CDH12: variants seen among roughly 807,000 people sequenced by gnomAD.
CDH12 encodes the protein cadherin 12.
CDH12 carries 41 observed loss-of-function variants against 74.1 expected under a neutral mutation model. The ratio of observed to expected loss-of-function variants is 0.55; its 90% CI spans 0.43 to 0.72. The LOEUF (loss-of-function observed/expected upper bound fraction) is 0.72, where lower values mean the gene tolerates loss of function less well. Ranked by LOEUF, CDH12 falls within the 30% of genes least tolerant of loss-of-function variation. The pLI is 0.00. For missense variants in CDH12, 945 were observed against 977.2 expected (o/e 0.97, Z 0.44); for synonymous variants, 399 against 355.0 (o/e 1.12, Z -1.39).
intron 3 of CDH12, among the ~76,000 whole-genome samples, chr5:22,352,208 T>C (rs1214037040): frequency 1.3e-5 from 2 of 152,000 alleles, no homozygotes; most frequent in East Asian, 3.9e-4. Context: ...CTCAGAAAGC[T>C]AAATTATTTT....
At chr5:21,891,572 TACACACACACACACAC>T (rs66657734) in intron 6 of CDH12, among the ~76,000 whole-genome samples, 1 of 144,954 alleles carries the variant, frequency 6.9e-6, no homozygotes, top group Non-Finnish European at 1.5e-5. Flanking sequence ...CACACACACA[TACACACACACACACAC>T]ACACACACAC....
At chr5:21,887,804 T>C (rs1193339750) in intron 6 of CDH12, among the ~76,000 whole-genome samples, 1 of 152,104 alleles carries the variant, frequency 6.6e-6, no homozygotes, top group East Asian at 1.9e-4. Flanking sequence ...ATGAACATAG[T>C]CAGGGCCCGG....
At chr5:21,947,241 G>A (rs576549620) in intron 6 of CDH12, among the ~76,000 whole-genome samples, 1,792 of 152,150 alleles carry the variant, frequency 0.012, 34 homozygotes, top group African/African-American at 0.04. Flanking sequence ...CTGGGAGTGG[G>A]GCACTGCTAT....
chr5:21,902,910 A>G (rs1753465194), intron 6 of CDH12, among the ~76,000 whole-genome samples: 1 of 152,182 alleles, frequency 6.6e-6, no homozygotes, highest in Non-Finnish European at 1.5e-5. Flanking sequence ...GATAAGACGA[A>G]GAATTGAGCC....
intron 4 of CDH12, among the ~76,000 whole-genome samples, chr5:22,103,274 C>T (rs1245042122): frequency 6.6e-6 from 1 of 152,120 alleles, no homozygotes; most frequent in East Asian, 1.9e-4. Flanking sequence ...TTCACCCTGG[C>T]TCTGTCTGTC....
intron 1 of CDH12, among the ~76,000 whole-genome samples, chr5:22,781,081 C>T (rs1747363497): frequency 6.6e-6 from 1 of 152,122 alleles, no homozygotes; most frequent in Non-Finnish European, 1.5e-5. Context: ...GATAAGTCAG[C>T]TGATTATTTC....
At chr5:21,980,737 A>T (rs1291501411) in intron 5 of CDH12, among the ~76,000 whole-genome samples, 2 of 152,164 alleles carry the variant, frequency 1.3e-5, no homozygotes, top group Non-Finnish European at 2.9e-5. Context: ...TCATAAATTC[A>T]TTACCAAAAT....
chr5:21,831,120 C>T (rs1413924711), intron 8 of CDH12, among the ~76,000 whole-genome samples: 1 of 151,740 alleles, frequency 6.6e-6, no homozygotes, highest in African/African-American at 2.4e-5. Flanking sequence ...GACTTTAAAA[C>T]AATGTCGTTT....
At position 22,475,000 on chromosome 5, in the gene CDH12, T is replaced by C. The variant is rs142351869; in HGVS notation, c.-428+30270A>G. Among the ~76,000 whole-genome samples the C allele has an allele frequency of 3.3e-3, 497 of 151,632 alleles. 1 individual carries two copies. The highest frequency in any genetic ancestry group is 0.011 in the African/African-American group (473 of 41,326). On this transcript the variant is annotated intron_variant, in intron 2 of 14. Transcript: ENST00000382254. ...GGTTAGATAGATGAGGTCCCATCTC[T>C]ACTACTAAGCAAAATCCTGGAAGCA... is the stretch of plus-strand genomic sequence containing the variant.
At chr5:21,937,683 C>T (rs1755136344) in intron 6 of CDH12, among the ~76,000 whole-genome samples, 1 of 152,118 alleles carries the variant, frequency 6.6e-6, no homozygotes, top group Non-Finnish European at 1.5e-5. Context: ...TTTTTGGGCC[C>T]ATCCATAAAC....
chr5:22,490,394 T>A (rs568263525), intron 2 of CDH12, among the ~76,000 whole-genome samples: 54 of 152,250 alleles, frequency 3.5e-4, no homozygotes, highest in Admixed American at 1.4e-3. Flanking sequence ...TGTTATAGAG[T>A]TCTGCTTTCT....
chr5:21,872,165 G>C (rs1016474677), intron 6 of CDH12, among the ~76,000 whole-genome samples: 5 of 152,146 alleles, frequency 3.3e-5, no homozygotes, highest in African/African-American at 1.2e-4. Flanking sequence ...ACCTTGCTCA[G>C]CGTGGGCCCT....
At position 21,874,285 on chromosome 5, in the gene CDH12, T is replaced by C. The variant is rs943140020; in HGVS notation, c.527-19495A>G. On this transcript the variant is annotated intron_variant, in intron 6 of 14. Transcript: ENST00000382254. ...ATGAAGGAAGGCTCAACATCACTGA[T>C]AATTAGACAAATGCAAATCAAAACT... Among the ~76,000 whole-genome samples the C allele has an allele frequency of 3.3e-5, 5 of 152,172 alleles. No homozygotes were observed. The East Asian group carries it at 9.7e-4, about 29-fold the overall frequency.
At chr5:22,230,620 G>A (rs959148748) in intron 3 of CDH12, among the ~76,000 whole-genome samples, 1 of 151,728 alleles carries the variant, frequency 6.6e-6, no homozygotes, top group Admixed American at 6.6e-5. Context: ...ACAGGTGCAC[G>A]CCACCATGCC....
At chr5:22,552,460 A>G (rs7717757) in intron 1 of CDH12, among the ~76,000 whole-genome samples, 24,374 of 146,666 alleles carry the variant, frequency 0.17, 2,564 homozygotes, top group East Asian at 0.37. Context: ...ACAGATTTTC[A>G]CTCTGTTGCC....
chr5:22,382,339 A>G (rs1741802101), intron 3 of CDH12, among the ~76,000 whole-genome samples: 1 of 150,276 alleles, frequency 6.7e-6, no homozygotes, highest in African/African-American at 2.4e-5. Context: ...ATATATACAT[A>G]TATTTCTCTT....
At chr5:22,268,856 T>C (rs892183454) in intron 3 of CDH12, among the ~76,000 whole-genome samples, 15 of 152,138 alleles carry the variant, frequency 9.9e-5, no homozygotes, top group African/African-American at 2.7e-4. Flanking sequence ...GTATGCATCA[T>C]ACTTTACATT....
At chr5:22,227,911 G>A (rs1752250365) in intron 3 of CDH12, among the ~76,000 whole-genome samples, 1 of 152,106 alleles carries the variant, frequency 6.6e-6, no homozygotes, top group Non-Finnish European at 1.5e-5. Context: ...GATTGTCTTA[G>A]ATCAGGATGG....
intron 3 of CDH12, among the ~76,000 whole-genome samples, chr5:22,275,346 G>T (rs565953482): frequency 6.6e-6 from 1 of 151,630 alleles, no homozygotes; most frequent in South Asian, 2.1e-4. Context: ...GAAAAAAAAA[G>T]AAAAATTTGT....
Sources: allele counts gnomAD v4.1 joint callset (sites outside exome capture counted in the v4.1 genomes callset), GRCh38; gene constraint gnomAD v4.1.1; transcripts MANE v1.5; gene names NCBI Gene and HGNC (gene_info 2026-07-23, HGNC 2026-07-21).